The following MAP3K7CL variants were observed in gnomAD, a reference collection of about 807,000 sequenced individuals.
MAP3K7CL encodes MAP3K7 C-terminal like.
Under a neutral mutation model 18.6 loss-of-function variants are expected in MAP3K7CL, and 16 were observed. The ratio of observed to expected loss-of-function variants is 0.86; its 90% CI spans 0.58 to 1.31. MAP3K7CL has a LOEUF of 1.31. Among genes scored for constraint, MAP3K7CL ranks in the 50% most tolerant of loss-of-function variants. MAP3K7CL has a pLI of 0.00. For missense variants in MAP3K7CL, 163 were observed against 174.4 expected, an observed-to-expected ratio of 0.93 and a Z score of 0.37; for synonymous variants, 65 against 66.8, an observed-to-expected ratio of 0.97 and a Z score of 0.13.
intron 4 of MAP3K7CL, among the ~76,000 whole-genome samples, chr21:29,171,326 T>A (rs1266545148): frequency 2.0e-5 from 3 of 152,250 alleles, no homozygotes; most frequent in African/African-American, 7.2e-5. Flanking sequence ...GTATCAGTGA[T>A]GTACCTTATC....
At chr21:29,123,502 CATT>C (rs909129417) in intron 4 of MAP3K7CL, among the ~76,000 whole-genome samples, 1 of 152,140 alleles carries the variant, frequency 6.6e-6, no homozygotes, top group Non-Finnish European at 1.5e-5. Context: ...TATTAAAAAA[CATT>C]ATGGAGGTGT....
At chr21:29,170,170 G>A (rs939653870) in intron 4 of MAP3K7CL, among the ~76,000 whole-genome samples, 1 of 152,190 alleles carries the variant, frequency 6.6e-6, no homozygotes, top group African/African-American at 2.4e-5. Flanking sequence ...GCATAAATAT[G>A]TCTATATAAA....
intron 2 of MAP3K7CL, among the ~76,000 whole-genome samples, chr21:29,135,216 C>T (rs868625549): frequency 3.9e-5 from 6 of 152,074 alleles, no homozygotes; most frequent in African/African-American, 2.4e-5. Context: ...TCTCTATTTT[C>T]GATGCTGCTT....
chr21:29,119,240 G>T (rs1484522826), intron 4 of MAP3K7CL, among the ~76,000 whole-genome samples: 1 of 152,180 alleles, frequency 6.6e-6, no homozygotes, highest in Non-Finnish European at 1.5e-5. Flanking sequence ...GTCAACGATG[G>T]TTATTTTTAC....
rs2086436675 is a variant in MAP3K7CL at position 29,112,552 on chromosome 21, TTTATG to T, written c.370+19976_370+19980del. Among the ~76,000 whole-genome samples, 4 of 152,184 alleles carry T rather than the reference TTTATG, an allele frequency of 2.6e-5. No homozygotes were observed. In the South Asian group the frequency reaches 8.3e-4, roughly 31 times the overall value. On this transcript the variant is annotated intron_variant, in intron 4 of 6. Transcript: ENST00000286791. ...TTTATATTTATTTATTTTATACATT[TTTATG>T]TTATTTTCTTTTTTCCCTTTCTTTG...
Position 29,088,174 on chromosome 21 carries a change from C to G in MAP3K7CL, c.57+2257C>G, listed in dbSNP as rs928470124. 8.5e-5 allele frequency among the ~76,000 whole-genome samples: 13 copies of G among 152,194 alleles called. No homozygotes were observed. The South Asian group carries it at 2.7e-3, about 32-fold the overall frequency. ...TCACTTGTGTTCTCATAACTCTGAT[C>G]AAGATAGATGCTTTTATTTTTTTTC... On this transcript the variant is annotated intron_variant, in intron 1 of 6. Transcript: ENST00000286791.
intron 1 of MAP3K7CL, among the ~76,000 whole-genome samples, chr21:29,078,016 T>C (rs775922649): frequency 1.1e-4 from 17 of 152,224 alleles, no homozygotes; most frequent in Non-Finnish European, 2.2e-4. Flanking sequence ...TTTTTTCATT[T>C]TTTGTTTGTG....
At chr21:29,145,301 TG>T (rs1308870463) in intron 2 of MAP3K7CL, among the ~76,000 whole-genome samples, 1 of 152,212 alleles carries the variant, frequency 6.6e-6, no homozygotes, top group Non-Finnish European at 1.5e-5. Flanking sequence ...AAGCTAAATT[TG>T]CTAGAGGGTC....
chr21:29,095,985 G>T (rs1999320), intron 4 of MAP3K7CL, among the ~76,000 whole-genome samples: 45,337 of 152,018 alleles, frequency 0.3, 7,001 homozygotes, highest in African/African-American at 0.37. Context: ...TTAACTCTGG[G>T]CTGCAGCTCA....
chr21:29,150,971 T>C (rs572927141), intron 3 of MAP3K7CL, among the ~76,000 whole-genome samples: 1 of 151,404 alleles, frequency 6.6e-6, no homozygotes, highest in East Asian at 2.0e-4. Flanking sequence ...GGTTTTGCCA[T>C]GTTGGCCAGA....
intron 4 of MAP3K7CL, among the ~76,000 whole-genome samples, chr21:29,106,641 A>C (rs956913360): frequency 6.6e-6 from 1 of 152,200 alleles, no homozygotes; most frequent in South Asian, 2.1e-4. Context: ...AGGATCAGAC[A>C]TGAGTTCAGT....
At chr21:29,082,854 A>C (rs2085858907), upstream of MAP3K7CL, among the ~76,000 whole-genome samples, 1 of 152,150 alleles carries the variant, frequency 6.6e-6, no homozygotes, top group African/African-American at 2.4e-5. Flanking sequence ...TCTTAAGAAA[A>C]TACTGGGATC....
At chr21:29,147,467 CAT>C (rs2087158810) in intron 2 of MAP3K7CL, among the ~76,000 whole-genome samples, 1 of 151,482 alleles carries the variant, frequency 6.6e-6, no homozygotes, top group South Asian at 2.1e-4. Flanking sequence ...GTGTACTGTA[CAT>C]ATCTTATTGT....
Position 29,125,343 on chromosome 21 carries a change from A to G in MAP3K7CL, c.371-23846A>G, listed in dbSNP as rs148437399. 6.6e-4 allele frequency among the ~76,000 whole-genome samples: 101 copies of G among 152,336 alleles called. 1 individual carries two copies. In the East Asian group the frequency reaches 0.018, roughly 27 times the overall value. On this transcript the variant is annotated intron_variant, in intron 4 of 6. Coordinates refer to the MAP3K7CL transcript ENST00000286791. ...TGGAGACCCAGGTGGCCTGACTTAA[A>G]TGTTGCACATTGCTCTGTCTCCTTC...
intron 4 of MAP3K7CL, chr21:29,109,212 A>G: frequency 6.5e-7 from 1 of 1,535,390 alleles, no homozygotes; most frequent in Non-Finnish European, 8.7e-7. Context: ...GTGGGTAAGT[A>G]TTAAGTGCTA....
intron 4 of MAP3K7CL, among the ~76,000 whole-genome samples, chr21:29,123,416 GAA>G (rs1043297710): frequency 2.0e-5 from 3 of 152,122 alleles, no homozygotes; most frequent in African/African-American, 7.2e-5. Flanking sequence ...TGCAAAAAAA[GAA>G]AGTCACATCT....
intron 2 of MAP3K7CL, among the ~76,000 whole-genome samples, chr21:29,139,132 G>A (rs2146649707): frequency 6.6e-6 from 1 of 152,290 alleles, no homozygotes; most frequent in African/African-American, 2.4e-5. Context: ...TTGTGTGGTA[G>A]GGAGAATTAC....
Position 29,174,781 on chromosome 21 carries a change from A to G in MAP3K7CL, c.318A>G (p.Glu106=). ...EKVDAAELVR[E]FEALTEENRT... The stretch of plus-strand genomic sequence containing the variant: ...TGGATGCTGCTGAGCTGGTTCGGGA[A>G]TTCGAGGCTCTGACGGAGGAGAATC... Residue 106 remains glutamate, a synonymous_variant, in exon 5 of 5, where the codon GAA becomes GAG. Transcript: ENST00000399928. 6.2e-7 allele frequency: 1 copy of G among 1,614,162 alleles called. No homozygotes were observed. The highest frequency in any genetic ancestry group is 2.2e-5 in the East Asian group (1 of 44,884).
At chr21:29,093,210 C>T (rs73192163) in intron 4 of MAP3K7CL, among the ~76,000 whole-genome samples, 1 of 152,078 alleles carries the variant, frequency 6.6e-6, no homozygotes, top group African/African-American at 2.4e-5. Context: ...AGCTGACTAT[C>T]ATAAGACTTC....
Sources: gnomAD v4.1 joint callset for allele counts (sites outside exome capture counted in the v4.1 genomes callset) on GRCh38, gnomAD v4.1.1 for gene constraint, MANE v1.5 for transcripts, NCBI Gene and HGNC (gene_info 2026-07-23, HGNC 2026-07-21) for gene names.